Variants in RANBP2 observed in about 807,000 individuals in gnomAD.
The protein encoded by RANBP2 is RAN binding protein 2.
Under a neutral mutation model 303.6 loss-of-function variants are expected in RANBP2, and 57 were observed. That is an observed-to-expected ratio of 0.19 (90% CI 0.15 to 0.23). The LOEUF (loss-of-function observed/expected upper bound fraction) is 0.23, where lower values mean the gene tolerates loss of function less well. Among genes scored for constraint, RANBP2 ranks in the 10% least tolerant of loss-of-function variants. RANBP2 has a pLI of 1.00. For missense variants in RANBP2, 3,138 were observed against 3,780.8 expected, an observed-to-expected ratio of 0.83 and a Z score of 4.46; for synonymous variants, 1,167 against 1,301.5, an observed-to-expected ratio of 0.90 and a Z score of 2.23.
At chr2:108,730,747 T>G in intron 2 of RANBP2, 27 bp from the exon 3 acceptor site, 2 of 1,607,680 alleles carry the variant, frequency 1.2e-6, no homozygotes, top group East Asian at 2.2e-5. Flanking sequence ...AAGTTTAATT[T>G]ACTTTTGTAT....
At chr2:108,932,759 C>T in the RANBP2 span, among the ~76,000 whole-genome samples, 1 of 152,084 alleles carries the variant, frequency 6.6e-6, no homozygotes, top group Non-Finnish European at 1.5e-5. Context: ...CACCCAATGC[C>T]AAGTACATAT....
chr2:109,396,090 G>A, the RANBP2 span, among the ~76,000 whole-genome samples: 1 of 152,286 alleles, frequency 6.6e-6, no homozygotes, highest in East Asian at 1.9e-4. Context: ...ACGAATGGAG[G>A]ACTGCGCTCA....
chr2:109,710,201 G>A, the RANBP2 span, among the ~76,000 whole-genome samples: 1 of 151,750 alleles, frequency 6.6e-6, no homozygotes, highest in Non-Finnish European at 1.5e-5. Flanking sequence ...GGCCAACGCG[G>A]TGAAAACCCA....
At chr2:109,237,805 A>T in the RANBP2 span, among the ~76,000 whole-genome samples, 2 of 152,228 alleles carry the variant, frequency 1.3e-5, no homozygotes, top group Non-Finnish European at 2.9e-5. Flanking sequence ...AAAAACAAAT[A>T]CTTTCTACAC....
At chr2:109,587,345 T>C in the RANBP2 span, among the ~76,000 whole-genome samples, 1 of 151,882 alleles carries the variant, frequency 6.6e-6, no homozygotes. Flanking sequence ...AGAAAAAAGA[T>C]AAAACTATGA....
At chr2:109,415,421 A>G in the RANBP2 span, among the ~76,000 whole-genome samples, 48 of 152,350 alleles carry the variant, frequency 3.2e-4, no homozygotes, top group African/African-American at 1.1e-3. Context: ...AGCTGGGCCC[A>G]GCCATGGTAG....
chr2:109,349,383 CG>C, the RANBP2 span, among the ~76,000 whole-genome samples: 1 of 152,192 alleles, frequency 6.6e-6, no homozygotes, highest in Non-Finnish European at 1.5e-5. Context: ...CACAGCTTCC[CG>C]GGAAACTGCA....
the RANBP2 span, among the ~76,000 whole-genome samples, chr2:108,893,960 A>AT: frequency 6.6e-6 from 1 of 151,936 alleles, no homozygotes; most frequent in Non-Finnish European, 1.5e-5. Flanking sequence ...AATACATATC[A>AT]TTTTCTTTCT....
At chr2:109,666,138 A>G in the RANBP2 span, among the ~76,000 whole-genome samples, 1 of 152,038 alleles carries the variant, frequency 6.6e-6, no homozygotes, top group Non-Finnish European at 1.5e-5. Context: ...AAACTAAAAA[A>G]AAAAAAAAAA....
chr2:108,969,321 C>T, the RANBP2 span, among the ~76,000 whole-genome samples: 1 of 152,130 alleles, frequency 6.6e-6, no homozygotes, highest in African/African-American at 2.4e-5. Flanking sequence ...TTGAAATTAC[C>T]CACTTTCTTG....
chr2:109,126,416 C>T, the RANBP2 span, among the ~76,000 whole-genome samples: 844 of 152,294 alleles, frequency 5.5e-3, 1 homozygote, highest in Non-Finnish European at 7.6e-3. Context: ...CTGCCCAGCA[C>T]GGCAATTCTT....
the RANBP2 span, among the ~76,000 whole-genome samples, chr2:109,338,916 A>G: frequency 0.15 from 17,421 of 112,660 alleles, 1,215 homozygotes; most frequent in East Asian, 0.39. Context: ...CTTACTGATA[A>G]CACAAACAGT....
the RANBP2 span, among the ~76,000 whole-genome samples, chr2:109,372,553 T>C: frequency 6.6e-6 from 1 of 152,204 alleles, no homozygotes; most frequent in Non-Finnish European, 1.5e-5. Flanking sequence ...CACTGGCATA[T>C]GAAAACCATG....
intron 18 of RANBP2, among the ~76,000 whole-genome samples, chr2:108,759,862 ATCTTCTGT>A (rs1558914253): frequency 1.3e-5 from 2 of 152,120 alleles, no homozygotes; most frequent in African/African-American, 4.8e-5. Flanking sequence ...GGCATAAAAG[ATCTTCTGT>A]TCTTATACAA....
chr2:109,029,350 A>T, the RANBP2 span, among the ~76,000 whole-genome samples: 1 of 152,078 alleles, frequency 6.6e-6, no homozygotes, highest in Non-Finnish European at 1.5e-5. Flanking sequence ...AGCATCCAGG[A>T]GAGGGATGAT....
At chr2:109,293,207 G>C in the RANBP2 span, among the ~76,000 whole-genome samples, 1 of 152,238 alleles carries the variant, frequency 6.6e-6, no homozygotes, top group Non-Finnish European at 1.5e-5. Flanking sequence ...CCTGCAGACA[G>C]ACTCAACTGC....
the RANBP2 span, among the ~76,000 whole-genome samples, chr2:108,942,183 A>G: frequency 3.9e-5 from 6 of 152,204 alleles, no homozygotes; most frequent in Non-Finnish European, 7.3e-5. Context: ...AAACCTCCCC[A>G]GCATTGCAAG....
chr2:109,341,294 C>T, the RANBP2 span, among the ~76,000 whole-genome samples: 2 of 152,206 alleles, frequency 1.3e-5, no homozygotes, highest in Admixed American at 1.3e-4. Context: ...TAACAAACTT[C>T]TTCATCGCGG....
the RANBP2 span, among the ~76,000 whole-genome samples, chr2:109,435,156 C>G: frequency 6.6e-6 from 1 of 152,210 alleles, no homozygotes; most frequent in Admixed American, 6.5e-5. Context: ...CTCTCCGGTT[C>G]CTTAGAGAAG....
Sources: allele counts gnomAD v4.1 joint callset (sites outside exome capture counted in the v4.1 genomes callset), GRCh38; gene constraint gnomAD v4.1.1; transcripts MANE v1.5; gene names NCBI Gene and HGNC (gene_info 2026-07-23, HGNC 2026-07-21).